Variants in GTF2E2 observed in about 807,000 individuals in gnomAD.
The protein encoded by GTF2E2 is general transcription factor IIE subunit 2, also known as transcription initiation factor IIE subunit beta.
Under a neutral mutation model 40.5 loss-of-function variants are expected in GTF2E2, and 21 were observed. That is an observed-to-expected ratio of 0.52 (90% confidence interval 0.37 to 0.75). The LOEUF (loss-of-function observed/expected upper bound fraction) is 0.75. Ranked by LOEUF, GTF2E2 falls within the 30% of genes least tolerant of loss-of-function variation. The pLI is 0.00. For missense variants in GTF2E2, 298 were observed against 338.4 expected (o/e 0.88, Z 0.94); for synonymous variants, 117 against 121.6 (o/e 0.96, Z 0.25).
At chr8:30,632,748 G>T (rs1205907809) in intron 3 of GTF2E2, among the ~76,000 whole-genome samples, 1 of 152,154 alleles carries the variant, frequency 6.6e-6, no homozygotes, top group Admixed American at 6.5e-5. Context: ...CCTTTGGCAA[G>T]TTGGGTGGTT....
rs1800873141 is a variant in GTF2E2, at chr8:30,615,007, G to C, written c.259-292C>G. 2.0e-5 allele frequency among the ~76,000 whole-genome samples: 3 copies of C among 151,952 alleles called. No individual in the cohort carries two copies. The South Asian group carries it at 6.2e-4, about 31-fold the overall frequency. On this transcript the variant is annotated intron_variant, in intron 3 of 7. Coordinates refer to ENST00000355904, the MANE Select transcript of GTF2E2 (RefSeq NM_002095.6). Reference sequence around the variant, plus strand: ...AAACTAACAAAATAGACCAGGCACAGTGGCTCATGGCTGTAATCCCAGCAC... The same window carrying C: ...AAACTAACAAAATAGACCAGGCACACTGGCTCATGGCTGTAATCCCAGCAC...
chr8:30,609,222 C>T (rs1829410029), intron 5 of GTF2E2, among the ~76,000 whole-genome samples: 2 of 150,226 alleles, frequency 1.3e-5, no homozygotes, highest in Admixed American at 1.3e-4. Context: ...GCTGAGATCA[C>T]CCCACTGCAC....
chr8:30,593,436 T>A (rs1256919177), intron 6 of GTF2E2, among the ~76,000 whole-genome samples: 2 of 152,248 alleles, frequency 1.3e-5, no homozygotes, highest in Admixed American at 6.5e-5. Context: ...TTGTTAGATA[T>A]ATAGGTATTT....
At chr8:30,590,411 T>A (rs961226668) in intron 6 of GTF2E2, among the ~76,000 whole-genome samples, 1 of 152,212 alleles carries the variant, frequency 6.6e-6, no homozygotes, top group Non-Finnish European at 1.5e-5. Context: ...ATTAATTTAA[T>A]GTGAATTTGG....
At chr8:30,637,296 T>C (rs1184166934) in intron 2 of GTF2E2, 1 of 456,192 alleles carries the variant, frequency 2.2e-6, no homozygotes, top group Non-Finnish European at 4.4e-6. Flanking sequence ...GAGATGACAA[T>C]GTGTTAAGGA....
intron 3 of GTF2E2, among the ~76,000 whole-genome samples, chr8:30,622,801 A>C (rs560732959): frequency 1.3e-4 from 20 of 152,210 alleles, no homozygotes; most frequent in Non-Finnish European, 2.8e-4. Flanking sequence ...TTTTGAAAGA[A>C]AAGAAATATG....
At chr8:30,624,735 G>T (rs1801216571) in intron 3 of GTF2E2, among the ~76,000 whole-genome samples, 1 of 152,002 alleles carries the variant, frequency 6.6e-6, no homozygotes, top group Non-Finnish European at 1.5e-5. Flanking sequence ...CACATCCCTT[G>T]TAAGTTGGAT....
chr8:30,604,909 CACAA>C (rs1364511116), intron 6 of GTF2E2, among the ~76,000 whole-genome samples: 1 of 152,042 alleles, frequency 6.6e-6, no homozygotes, highest in Non-Finnish European at 1.5e-5. Context: ...ATAAAAGATA[CACAA>C]ACAGGAAAAA....
Position 30,641,829 on chromosome 8 carries a change from T to C in GTF2E2, c.167-6706A>G, listed in dbSNP as rs138853832. On this transcript the variant is annotated intron_variant, in intron 2 of 7. Coordinates refer to ENST00000355904, the MANE Select transcript of GTF2E2 (RefSeq NM_002095.6). ...ATGCAGAGGTTGCAGTGAGTCAAGA[T>C]TGTGCCACTGCCATCCAGCCTGGGT... Among the ~76,000 whole-genome samples, 575 of 152,064 alleles carry C rather than the reference T, an allele frequency of 3.8e-3. 8 individuals are homozygous for C. The highest frequency in any genetic ancestry group is 0.012 in the African/African-American group (502 of 41,514).
At chr8:30,593,128 T>C (rs190465012) in intron 6 of GTF2E2, among the ~76,000 whole-genome samples, 37 of 152,096 alleles carry the variant, frequency 2.4e-4, no homozygotes, top group Admixed American at 7.8e-4. Context: ...CGGGAGGAGG[T>C]TGCAGTGAGC....
intron 5 of GTF2E2, among the ~76,000 whole-genome samples, chr8:30,609,959 G>C (rs951118462): frequency 8.5e-5 from 13 of 152,102 alleles, no homozygotes; most frequent in African/African-American, 3.1e-4. Flanking sequence ...AAGCTGAGTA[G>C]ACACCAGCAT....
At chr8:30,640,673 G>A (rs950351208) in intron 2 of GTF2E2, among the ~76,000 whole-genome samples, 1 of 152,116 alleles carries the variant, frequency 6.6e-6, no homozygotes, top group Admixed American at 6.5e-5. Flanking sequence ...TCAAAACTAA[G>A]TCGCAGGATA....
At chr8:30,580,989 G>T (rs1317498435) in intron 6 of GTF2E2, among the ~76,000 whole-genome samples, 5 of 152,172 alleles carry the variant, frequency 3.3e-5, no homozygotes, top group Non-Finnish European at 5.9e-5. Flanking sequence ...CCTGCAGCTT[G>T]TCTTCAGAAA....
intron 2 of GTF2E2, chr8:30,645,317 C>T: frequency 6.5e-7 from 1 of 1,534,988 alleles, no homozygotes; most frequent in Non-Finnish European, 8.7e-7. Flanking sequence ...AGAATGGCTT[C>T]CAGCCACTGG....
At chr8:30,580,682 C>T (rs1227180029) in intron 6 of GTF2E2, among the ~76,000 whole-genome samples, 1 of 152,296 alleles carries the variant, frequency 6.6e-6, no homozygotes, top group East Asian at 1.9e-4. Context: ...CGTCAACACC[C>T]TCCTTTAATT....
chr8:30,614,585 T>C lies in GTF2E2; in HGVS notation c.366+23A>G, dbSNP rs1380760885. 4 of 1,242,540 alleles carry C rather than the reference T, an allele frequency of 3.2e-6. No homozygotes were observed. The African/African-American group carries it at 4.5e-5, about 14-fold the overall frequency. 77.0% of individuals were successfully genotyped at this position (1,242,540 alleles called of 1,614,324 possible). A position where few individuals can be genotyped will look rare whatever the true frequency, so the allele number is the denominator to read the frequency against. ...AAATTCTAGTTACAGGAAATCTCTC[T>C]TGATAATCAACTAAATTCTTACCTC... is the stretch of plus-strand genomic sequence containing the variant. On this transcript the variant is annotated intron_variant, in intron 4 of 7. Transcript: ENST00000355904.
At chr8:30,597,212 G>A (rs12550251) in intron 6 of GTF2E2, 56,463 of 152,064 alleles carry the variant, frequency 0.37, 10,900 homozygotes, top group African/African-American at 0.5. Context: ...CCTGTCCCTC[G>A]CCAAGGACGA....
chr8:30,645,134 T>C (rs1048097115), intron 2 of GTF2E2: 9 of 689,436 alleles, frequency 1.3e-5, no homozygotes, highest in Non-Finnish European at 2.1e-5. Context: ...GGCCCAGATA[T>C]ACAAAAAAAT....
intron 6 of GTF2E2, among the ~76,000 whole-genome samples, chr8:30,600,195 A>C (rs969416456): frequency 6.6e-6 from 1 of 152,222 alleles, no homozygotes; most frequent in Non-Finnish European, 1.5e-5. Context: ...AACTGCAAAA[A>C]ATCAGCACAA....
Sources: allele counts gnomAD v4.1 joint callset (sites outside exome capture counted in the v4.1 genomes callset), GRCh38; gene constraint gnomAD v4.1.1; transcripts MANE v1.5; gene names NCBI Gene and HGNC (gene_info 2026-07-23, HGNC 2026-07-21).